Variants in AKAP12 observed in about 807,000 individuals in gnomAD.
AKAP12 encodes the protein A-kinase anchoring protein 12, also known as A-kinase anchor protein 12.
Under a neutral mutation model 79.9 loss-of-function variants are expected in AKAP12, and 32 were observed. The observed-to-expected ratio is 0.40, with a 90% confidence interval of 0.30 to 0.54. The LOEUF (loss-of-function observed/expected upper bound fraction) is 0.54. AKAP12 is among the 20% of genes least tolerant of loss of function. The pLI is 0.48. For synonymous variants in AKAP12, 808 were observed against 857.0 expected (o/e 0.94, Z 1.00); for missense variants, 2,074 against 2,177.0 (o/e 0.95, Z 0.94).
intron 2 of AKAP12, among the ~76,000 whole-genome samples, chr6:151,267,158 C>T (rs73613426): frequency 0.057 from 8,596 of 150,118 alleles, 301 homozygotes; most frequent in African/African-American, 0.095. Flanking sequence ...GACAGATCAA[C>T]GGGAAGGAAT....
At chr6:151,272,305 A>C (rs1776198689) in intron 2 of AKAP12, among the ~76,000 whole-genome samples, 1 of 147,682 alleles carries the variant, frequency 6.8e-6, no homozygotes, top group African/African-American at 2.5e-5. Flanking sequence ...TGATTGCATC[A>C]CTGCACTCCA....
chr6:151,331,667 C>T (rs901795358), intron 3 of AKAP12, among the ~76,000 whole-genome samples: 11 of 152,142 alleles, frequency 7.2e-5, no homozygotes, highest in African/African-American at 2.2e-4. Context: ...GGGTAGATCA[C>T]GAGGTAAGGA....
In AKAP12 at chr6:151,351,086, G is replaced by A. The variant is rs747672611; in HGVS notation, c.2695G>A (p.Gly899Arg). ...VHMMAAAVAD[G>R]TRAATIIEER... is the part of the protein sequence containing the mutation. ...TATGATGGCAGCAGCTGTCGCTGAC[G>A]GGACGAGGGCAGCTACCATTATTGA... The change falls in exon 4 of 5, where the codon GGG (glycine) becomes AGG (arginine). Residue 899 changes from glycine (G) to arginine (R), a missense_variant. Gly to Arg is a moderately radical substitution (Grantham distance 125). Around this residue, in one of 3 missense-constraint regions of AKAP12, gnomAD observed 1,428 missense variants for 1,451.0 expected, o/e 0.98. Coordinates refer to ENST00000402676, the MANE Select transcript of AKAP12 (RefSeq NM_005100.4). This position sits in a 1 kb window ranked among gnomAD's most constrained non-coding sequence, Gnocchi z 4.4. The A allele has an allele frequency of 1.4e-5, 23 of 1,614,052 alleles. No individual in the cohort carries two copies. Among genetic ancestry groups the A allele is most frequent in the East Asian group, 4.5e-5 (2 of 44,886 alleles).
intron 3 of AKAP12, among the ~76,000 whole-genome samples, chr6:151,309,937 T>C (rs938021980): frequency 1.3e-5 from 2 of 151,664 alleles, no homozygotes; most frequent in Non-Finnish European, 1.5e-5. Context: ...ACAAGTGCCA[T>C]TGGTTTGGGG....
At chr6:151,251,697 A>G (rs1797177785) in intron 2 of AKAP12, among the ~76,000 whole-genome samples, 1 of 152,194 alleles carries the variant, frequency 6.6e-6, no homozygotes, top group African/African-American at 2.4e-5. Flanking sequence ...TTGGGACTTT[A>G]AAGTAATGCA....
intron 3 of AKAP12, among the ~76,000 whole-genome samples, chr6:151,345,737 C>T (rs1293243297): frequency 6.7e-6 from 1 of 149,538 alleles, no homozygotes; most frequent in Non-Finnish European, 1.5e-5. Context: ...GTGGAGGTTG[C>T]AGTGAGCCCA....
chr6:151,280,026 C>T (rs1776368562), intron 2 of AKAP12, among the ~76,000 whole-genome samples: 2 of 140,670 alleles, frequency 1.4e-5, no homozygotes, highest in African/African-American at 5.0e-5. Context: ...CAAACATATC[C>T]TTTCGGTTGT....
At chr6:151,317,360 G>A (rs1160012064) in intron 3 of AKAP12, among the ~76,000 whole-genome samples, 1 of 152,144 alleles carries the variant, frequency 6.6e-6, no homozygotes, top group East Asian at 1.9e-4. Context: ...TTTTCCACAT[G>A]GCAGCCCTCT....
chr6:151,325,744 C>G, intron 3 of AKAP12: 1 of 1,567,888 alleles, frequency 6.4e-7, no homozygotes, highest in South Asian at 1.2e-5. Context: ...TCTGGGCGCT[C>G]AGTCCGCTCT....
At chr6:151,299,068 A>T (rs1263586088) in intron 2 of AKAP12, 2 of 152,230 alleles carry the variant, frequency 1.3e-5, no homozygotes, top group East Asian at 3.8e-4. Context: ...TGAAATGGGT[A>T]CATAATGCAT....
chr6:151,299,806 C>G (rs916520805), intron 2 of AKAP12, among the ~76,000 whole-genome samples: 2 of 148,210 alleles, frequency 1.3e-5, no homozygotes, highest in Non-Finnish European at 3.0e-5. Flanking sequence ...TTTATTTTTC[C>G]TTTGTAGAGA....
intron 3 of AKAP12, among the ~76,000 whole-genome samples, chr6:151,335,798 GATAC>G (rs569158213): frequency 1.9e-4 from 29 of 152,052 alleles, no homozygotes; most frequent in Admixed American, 3.9e-4. Flanking sequence ...AGATTCAGGG[GATAC>G]ATATATAGGT....
intron 2 of AKAP12, among the ~76,000 whole-genome samples, chr6:151,260,170 G>A (rs1797396158): frequency 6.6e-6 from 1 of 152,176 alleles, no homozygotes; most frequent in Non-Finnish European, 1.5e-5. Flanking sequence ...GTACCAAGCA[G>A]TTGTTTTTGG....
At chr6:151,301,921 A>G (rs1562728358) in intron 2 of AKAP12, among the ~76,000 whole-genome samples, 2 of 151,998 alleles carry the variant, frequency 1.3e-5, no homozygotes, top group African/African-American at 4.8e-5. Flanking sequence ...CATACTTAGG[A>G]TGTAAGGATG....
intron 3 of AKAP12, chr6:151,324,669 G>A: frequency 1.0e-6 from 1 of 985,072 alleles, no homozygotes; most frequent in Non-Finnish European, 1.2e-6. Flanking sequence ...GGGTCAGGCA[G>A]GCAAGGCATG....
At chr6:151,267,689 C>G (rs1265856803) in intron 2 of AKAP12, among the ~76,000 whole-genome samples, 1 of 152,214 alleles carries the variant, frequency 6.6e-6, no homozygotes, top group Non-Finnish European at 1.5e-5. Context: ...TTTACCATTT[C>G]TGATCCCTGT....
chr6:151,240,357 T>TA, intron 1 of AKAP12, 27 bp from the exon 2 acceptor site: 1 of 164,228 alleles, frequency 6.1e-6, no homozygotes, highest in Non-Finnish European at 1.1e-5. Context: ...AGAGGTGGCC[T>TA]TTTTTTTTTT....
Position 151,353,189 on chromosome 6 carries a change from G to T in AKAP12, c.4798G>T (p.Glu1600Ter), listed in dbSNP as rs1381061846. The change falls in exon 4 of 5, where the codon GAA becomes TAA. Residue 1600 changes from glutamate (E) to a stop codon, truncating the protein, a stop_gained. Transcript: ENST00000402676. LOFTEE classifies it low-confidence loss of function (END_TRUNC). ...AGQETEKEGE[E>*]PQASAQDETP... ...ACAGGAAACGGAGAAAGAAGGAGAGGAACCTCAGGCCTCTGCACAGGATGA... is the reference window on the plus strand; with the variant it reads ...ACAGGAAACGGAGAAAGAAGGAGAGTAACCTCAGGCCTCTGCACAGGATGA... 1 of 1,611,260 alleles carries T rather than the reference G, an allele frequency of 6.2e-7. No homozygotes were observed. Among genetic ancestry groups the T allele is most frequent in the Non-Finnish European group, 8.5e-7 (1 of 1,177,416 alleles).
At position 151,264,857 on chromosome 6, in the gene AKAP12, A is replaced by G. The variant is rs556066427; in HGVS notation, c.162+24133A>G. 3.3e-5 allele frequency among the ~76,000 whole-genome samples: 5 copies of G among 152,120 alleles called. No homozygotes were observed. In the South Asian group the frequency reaches 1.0e-3, roughly 32 times the overall value. ...ATCTGTGGGAAAATAATTTTTGTCT[A>G]AAAGTTTATGTTGGCCGGGCGCAGT... On this transcript the variant is annotated intron_variant, in intron 2 of 4. Coordinates refer to ENST00000402676, the MANE Select transcript of AKAP12 (RefSeq NM_005100.4).
Sources: gnomAD v4.1 joint callset for allele counts (sites outside exome capture counted in the v4.1 genomes callset) on GRCh38, gnomAD v4.1.1 for gene constraint, gnomAD v4.1.1 regional missense constraint, Gnocchi (gnomAD v3.1) non-coding constraint, MANE v1.5 for transcripts, NCBI Gene and HGNC (gene_info 2026-07-23, HGNC 2026-07-21) for gene names.